POF1B: variants seen among roughly 807,000 people sequenced by gnomAD.
POF1B encodes POF1B actin binding protein.
Under a neutral mutation model 55.3 loss-of-function variants are expected in POF1B, and 53 were observed. That is an observed-to-expected ratio of 0.96 (90% CI 0.77 to 1.20). The LOEUF (loss-of-function observed/expected upper bound fraction) is 1.20. POF1B is among the 50% of genes most tolerant of loss of function. The pLI is 0.00. For synonymous variants in POF1B, 188 were observed against 148.3 expected (o/e 1.27, Z -1.95); for missense variants, 478 against 420.5 (o/e 1.14, Z -1.20).
At chrX:85,371,680 G>A (rs1933824077) in intron 2 of POF1B, among the ~76,000 whole-genome samples, 1 of 111,571 alleles carries the variant, frequency 9.0e-6, no homozygotes, top group African/African-American at 3.3e-5. Flanking sequence ...ATAACAGAAG[G>A]TCAAATACTG....
intron 3 of POF1B, 48 bp downstream of exon 3, chrX:85,367,644 C>T (rs756368670): frequency 6.2e-5 from 59 of 950,315 alleles, no homozygotes; most frequent in Non-Finnish European, 8.6e-5. Flanking sequence ...AGAAGACTTC[C>T]ATATAAAAAA....
intron 6 of POF1B, among the ~76,000 whole-genome samples, chrX:85,336,072 A>G (rs986311518): frequency 6.3e-5 from 7 of 110,428 alleles, no homozygotes; most frequent in Non-Finnish European, 9.5e-5. Context: ...AATGTTTTGT[A>G]TTTTAGTTTC....
In POF1B at chrX:85,368,666, G is replaced by A. The variant is rs147511257; in HGVS notation, c.283-900C>T. Among the ~76,000 whole-genome samples the A allele has an allele frequency of 9.5e-3, 1,057 of 111,373 alleles. 16 individuals are homozygous for A. The highest frequency in any genetic ancestry group is 0.033 in the African/African-American group (1,008 of 30,728). On this transcript the variant is annotated intron_variant, in intron 2 of 16. Coordinates refer to ENST00000262753, the MANE Select transcript of POF1B (RefSeq NM_024921.4). ...CTGCTTCTAGTCTAATTTCAGAGTA[G>A]GCTCTGTTGTTAAAATAATCTGTAA...
chrX:85,319,677 T>A (rs933856453), intron 7 of POF1B, among the ~76,000 whole-genome samples: 1 of 111,821 alleles, frequency 8.9e-6, no homozygotes, highest in Non-Finnish European at 1.9e-5. Flanking sequence ...CATTTATTGA[T>A]TTGCATATGT....
rs200080276 is a variant in POF1B, at chrX:85,306,218, C to T, written c.1280G>A (p.Arg427His). Residue 427 changes from arginine (R) to histidine (H), a missense_variant, in exon 12 of 17, where the codon CGT (arginine) becomes CAT (histidine). Coordinates refer to ENST00000262753, the MANE Select transcript of POF1B (RefSeq NM_024921.4). ...GTTTTGATTCTCTTGCTCTAAATTA[C>T]GTTTACAATATTCCAGTTCTTTTAG... ...YRLKELEYCKRNLEQENQNLR... is the reference protein window; with the variant it reads ...YRLKELEYCKHNLEQENQNLR... The T allele has an allele frequency of 2.5e-5, 30 of 1,201,526 alleles. No homozygotes were observed. The highest frequency in any genetic ancestry group is 2.3e-4 in the Middle Eastern group (1 of 4,335).
intron 7 of POF1B, among the ~76,000 whole-genome samples, chrX:85,329,646 A>G (rs191202756): frequency 3.0e-5 from 3 of 101,103 alleles, no homozygotes; most frequent in Non-Finnish European, 5.8e-5. Flanking sequence ...TTTTTTTTTA[A>G]AAAAAGAGAA....
Position 85,367,697 on chromosome X carries a change from C to CA in POF1B, c.351dup (p.Glu118Ter). 1 of 1,156,265 alleles carries CA rather than the reference C, an allele frequency of 8.6e-7. No individual in the cohort carries two copies. ...TAATTCACAACTTCTTTTACCTGTT[C>CA]AGTATTTTGGGTTATATGTAGAGTA... On this transcript the variant is annotated frameshift_variant, in exon 3 of 17. Transcript: ENST00000262753. LOFTEE classifies it high-confidence loss of function.
chrX:85,329,892 A>G (rs1172038370), intron 7 of POF1B, among the ~76,000 whole-genome samples: 2 of 109,723 alleles, frequency 1.8e-5, no homozygotes, highest in Non-Finnish European at 3.8e-5. Flanking sequence ...AATATATACT[A>G]TATATATTTG....
Position 85,346,058 on chromosome X carries a change from A to G in POF1B, c.541-16T>C. ...GATGGCACCCCTAAGACACATACAC[A>G]TGCCAAAAACAGCCACTTAGGATAA... is the stretch of plus-strand genomic sequence containing the variant. On this transcript the variant is annotated splice_polypyrimidine_tract_variant and intron_variant, in intron 5 of 16. Transcript: ENST00000262753. 1 of 1,074,623 alleles carries G rather than the reference A, an allele frequency of 9.3e-7. No individual in the cohort carries two copies. Among genetic ancestry groups the G allele is most frequent in the African/African-American group, 1.9e-5 (1 of 53,518 alleles). The allele number at this position is 1,074,623 out of a possible 1,213,427, so 88.6% of individuals were successfully genotyped here. A position where few individuals can be genotyped will look rare whatever the true frequency, so the allele number is the denominator to read the frequency against.
At chrX:85,355,974 A>T (rs1271913736) in intron 4 of POF1B, among the ~76,000 whole-genome samples, 2 of 111,651 alleles carry the variant, frequency 1.8e-5, no homozygotes, top group Non-Finnish European at 3.8e-5. Flanking sequence ...TACCCAAAGG[A>T]TTATAAATCA....
chrX:85,343,459 C>A (rs1255363751), intron 6 of POF1B, among the ~76,000 whole-genome samples: 1 of 110,659 alleles, frequency 9.0e-6, no homozygotes, highest in East Asian at 2.9e-4. Context: ...TCATACAGTT[C>A]CCATCTCTGA....
In POF1B at chrX:85,312,209, G is replaced by T. The variant is rs191086620; in HGVS notation, c.957+2223C>A. The stretch of plus-strand genomic sequence containing the variant: ...ATCCCATTTGTCAATTTTTGCTTTT[G>T]TTGCTATTGCTTTTGGTGTTTTAGT... On this transcript the variant is annotated intron_variant, in intron 9 of 16. Transcript: ENST00000262753. 8.0e-3 allele frequency among the ~76,000 whole-genome samples: 898 copies of T among 111,641 alleles called. 10 individuals are homozygous for T. Among genetic ancestry groups the T allele is most frequent in the African/African-American group, 0.028 (845 of 30,723 alleles).
chrX:85,314,322 T>C (rs1932763542), intron 9 of POF1B, 110 bp downstream of exon 9: 3 of 584,796 alleles, frequency 5.1e-6, no homozygotes, highest in Non-Finnish European at 7.6e-6. Flanking sequence ...TCCTCAACTC[T>C]TAGGAAATAA....
At chrX:85,344,616 T>A (rs1286185818) in intron 6 of POF1B, among the ~76,000 whole-genome samples, 2 of 111,543 alleles carry the variant, frequency 1.8e-5, no homozygotes, top group Admixed American at 9.6e-5. Context: ...AATGACAATT[T>A]CAAATGATCT....
intron 15 of POF1B, among the ~76,000 whole-genome samples, chrX:85,299,404 T>G (rs1932389138): frequency 9.5e-6 from 1 of 105,631 alleles, no homozygotes; most frequent in Non-Finnish European, 1.9e-5. Context: ...TTCTCCTGCC[T>G]CAGCCTCCCG....
intron 7 of POF1B, among the ~76,000 whole-genome samples, chrX:85,318,529 A>G (rs1401423427): frequency 8.9e-6 from 1 of 111,755 alleles, no homozygotes; most frequent in Non-Finnish European, 1.9e-5. Flanking sequence ...CTTTAATCCA[A>G]CTTGAGTTAA....
chrX:85,303,982 T>C (rs1477870272), intron 14 of POF1B, among the ~76,000 whole-genome samples: 1 of 110,915 alleles, frequency 9.0e-6, no homozygotes, highest in African/African-American at 3.3e-5. Flanking sequence ...TGCCAGGTCA[T>C]GGGCTACATG....
intron 4 of POF1B, among the ~76,000 whole-genome samples, chrX:85,355,934 T>C (rs1344686525): frequency 1.8e-5 from 2 of 111,533 alleles, no homozygotes; most frequent in Non-Finnish European, 3.8e-5. Flanking sequence ...AGAAATACCA[T>C]TTGACCCAGC....
chrX:85,374,402 AAG>A (rs1933886608), intron 2 of POF1B, among the ~76,000 whole-genome samples: 1 of 112,025 alleles, frequency 8.9e-6, no homozygotes, highest in East Asian at 2.8e-4. Flanking sequence ...AGCCTGGTGT[AAG>A]ACATACAAGA....
Sources: allele counts gnomAD v4.1 joint callset (sites outside exome capture counted in the v4.1 genomes callset), GRCh38; gene constraint gnomAD v4.1.1; transcripts MANE v1.5; gene names NCBI Gene and HGNC (gene_info 2026-07-23, HGNC 2026-07-21).